SV2C: variants seen among roughly 807,000 people sequenced by gnomAD.
The protein encoded by SV2C is solute carrier family 22 member B3.
Under a neutral mutation model 79.7 loss-of-function variants are expected in SV2C, and 49 were observed. The observed-to-expected ratio is 0.61, with a 90% CI of 0.49 to 0.78. The LOEUF is 0.78. Ranked by LOEUF, SV2C falls within the 30% of genes least tolerant of loss-of-function variation. The pLI, the probability that SV2C is intolerant of heterozygous loss-of-function variation, is 0.00. For missense variants in SV2C, 833 were observed against 912.9 expected, an observed-to-expected ratio of 0.91 and a Z score of 1.13; for synonymous variants, 334 against 333.2, an observed-to-expected ratio of 1.00 and a Z score of -0.03.
At chr5:76,172,393 G>A (rs1580327263) in intron 2 of SV2C, among the ~76,000 whole-genome samples, 1 of 66,886 alleles carries the variant, frequency 1.5e-5, no homozygotes, top group Non-Finnish European at 2.9e-5. Context: ...CCCTCTGCCC[G>A]GCCAGCCGCC....
intron 12 of SV2C, among the ~76,000 whole-genome samples, chr5:76,312,268 G>A (rs376871407): frequency 3.3e-5 from 5 of 151,428 alleles, no homozygotes; most frequent in Non-Finnish European, 4.4e-5. Flanking sequence ...TTTTTTGGGG[G>A]GGGGGACAGG....
At chr5:76,160,982 G>A (rs903724181) in intron 2 of SV2C, among the ~76,000 whole-genome samples, 3 of 152,048 alleles carry the variant, frequency 2.0e-5, no homozygotes, top group African/African-American at 7.2e-5. Context: ...TTTCTGACAG[G>A]TAATCACAGA....
At chr5:76,146,699 C>G (rs187790699) in intron 2 of SV2C, among the ~76,000 whole-genome samples, 2 of 150,370 alleles carry the variant, frequency 1.3e-5, no homozygotes. Flanking sequence ...TACCCAGCTC[C>G]TATTCAAGAC....
At chr5:76,287,595 C>T (rs1002713345) in intron 6 of SV2C, among the ~76,000 whole-genome samples, 1 of 152,122 alleles carries the variant, frequency 6.6e-6, no homozygotes, top group Non-Finnish European at 1.5e-5. Flanking sequence ...TCCCTCAGCT[C>T]CTCACACTCA....
the SV2C span, among the ~76,000 whole-genome samples, chr5:75,955,242 A>G: frequency 1.3e-5 from 2 of 150,130 alleles, no homozygotes; most frequent in East Asian, 2.0e-4. Context: ...ATAACACCGC[A>G]TATCTACAAC....
chr5:75,890,313 A>C, the SV2C span, among the ~76,000 whole-genome samples: 18 of 152,042 alleles, frequency 1.2e-4, no homozygotes, highest in African/African-American at 3.9e-4. Context: ...ATTGTAGTAA[A>C]TCTTTATTAT....
chr5:75,999,477 G>C, the SV2C span, among the ~76,000 whole-genome samples: 2 of 151,936 alleles, frequency 1.3e-5, no homozygotes, highest in African/African-American at 4.8e-5. Context: ...CCATGGGCAG[G>C]TTGGAGCCCC....
downstream of SV2C, among the ~76,000 whole-genome samples, chr5:76,334,542 T>C (rs1749274391): frequency 6.6e-6 from 1 of 152,212 alleles, no homozygotes; most frequent in South Asian, 2.1e-4. Context: ...CCAGATTCTT[T>C]TTCCATCTTT....
chr5:76,313,928 A>G (rs367837818), intron 12 of SV2C, among the ~76,000 whole-genome samples: 5 of 152,198 alleles, frequency 3.3e-5, no homozygotes, highest in African/African-American at 4.8e-5. Context: ...CTAAGTAACC[A>G]TCTCTGGCCT....
chr5:75,882,104 T>G, the SV2C span, among the ~76,000 whole-genome samples: 2 of 150,168 alleles, frequency 1.3e-5, no homozygotes, highest in East Asian at 3.9e-4. Context: ...CTACATTTAT[T>G]GATTTGCATA....
At chr5:76,005,252 TAA>T in the SV2C span, among the ~76,000 whole-genome samples, 1 of 152,138 alleles carries the variant, frequency 6.6e-6, no homozygotes, top group Non-Finnish European at 1.5e-5. Flanking sequence ...ATGGTTCACA[TAA>T]AAAGATATCT....
At chr5:75,877,118 A>G in the SV2C span, among the ~76,000 whole-genome samples, 1 of 152,104 alleles carries the variant, frequency 6.6e-6, no homozygotes, top group Admixed American at 6.6e-5. Context: ...ATTATCAAAA[A>G]GCAACCACAA....
chr5:76,283,006 C>T (rs1471811224), intron 4 of SV2C, among the ~76,000 whole-genome samples: 2 of 151,976 alleles, frequency 1.3e-5, no homozygotes, highest in African/African-American at 4.8e-5. Context: ...AGTGAGACTC[C>T]ATCTCAACAA....
At chr5:75,991,588 CACAT>C in the SV2C span, among the ~76,000 whole-genome samples, 9 of 137,766 alleles carry the variant, frequency 6.5e-5, no homozygotes, top group Admixed American at 7.4e-5. Context: ...TATATATACA[CACAT>C]ATATATATAT....
chr5:76,106,294 C>T (rs745603707), intron 1 of SV2C, among the ~76,000 whole-genome samples: 6 of 152,104 alleles, frequency 3.9e-5, no homozygotes, highest in Non-Finnish European at 8.8e-5. Flanking sequence ...GTCTACTATC[C>T]CGTGCCCCCT....
the SV2C span, among the ~76,000 whole-genome samples, chr5:76,053,464 T>C: frequency 5.3e-5 from 8 of 152,312 alleles, no homozygotes; most frequent in Middle Eastern, 3.4e-3. Flanking sequence ...GCGAATTGAT[T>C]AACGTGTGAC....
At chr5:75,980,080 T>C in the SV2C span, among the ~76,000 whole-genome samples, 1 of 152,342 alleles carries the variant, frequency 6.6e-6, no homozygotes, top group South Asian at 2.1e-4. Flanking sequence ...CAGAGAATGT[T>C]GTGAACATAT....
intron 7 of SV2C, 26 bp downstream of exon 7, chr5:76,291,357 TG>T (rs1366182177): frequency 1.3e-6 from 2 of 1,539,676 alleles, no homozygotes; most frequent in South Asian, 2.4e-5. Flanking sequence ...CATGATGACC[TG>T]CATGTTAATT....
intron 2 of SV2C, among the ~76,000 whole-genome samples, chr5:76,150,605 C>A (rs6866404): frequency 0.35 from 48,364 of 138,178 alleles, 9,466 homozygotes; most frequent in Middle Eastern, 0.5. Flanking sequence ...CCCAACTATT[C>A]GTCTGTTTAT....
Sources: allele counts gnomAD v4.1 joint callset (sites outside exome capture counted in the v4.1 genomes callset), GRCh38; gene constraint gnomAD v4.1.1; transcripts MANE v1.5; gene names NCBI Gene and HGNC (gene_info 2026-07-23, HGNC 2026-07-21).